Variants in CEP83 observed in about 807,000 individuals in gnomAD.
CEP83 encodes the protein centrosomal protein of 83 kDa.
A neutral mutation model predicts 101.9 loss-of-function variants in CEP83; 70 were observed. The observed-to-expected ratio is 0.69, with a 90% CI of 0.57 to 0.84. CEP83 has a LOEUF of 0.84. Ranked by LOEUF, CEP83 falls within the 40% of genes least tolerant of loss-of-function variation. The pLI, the probability that CEP83 is intolerant of heterozygous loss-of-function variation, is 0.00. For synonymous variants in CEP83, 264 were observed against 267.9 expected, an observed-to-expected ratio of 0.99 and a Z score of 0.14; for missense variants, 715 against 787.2, an observed-to-expected ratio of 0.91 and a Z score of 1.10.
chr12:94,412,091 G>A (rs980900438), intron 3 of CEP83, among the ~76,000 whole-genome samples: 14 of 152,018 alleles, frequency 9.2e-5, no homozygotes, highest in African/African-American at 3.4e-4. Context: ...AATCTTATAC[G>A]TCCTGCTACT....
the CEP83 span, among the ~76,000 whole-genome samples, chr12:94,293,830 A>G: frequency 4.1e-3 from 623 of 152,228 alleles, 1 homozygote; most frequent in Non-Finnish European, 7.3e-3. Context: ...TATGTTGCCC[A>G]GGCTGGTCTC....
chr12:94,322,535 C>T (rs2058792160), intron 14 of CEP83, among the ~76,000 whole-genome samples: 1 of 152,228 alleles, frequency 6.6e-6, no homozygotes, highest in African/African-American at 2.4e-5. Context: ...TGCAAAACAG[C>T]AAAGCTGGCA....
intron 14 of CEP83, among the ~76,000 whole-genome samples, chr12:94,313,750 T>C (rs1468385684): frequency 6.6e-6 from 1 of 152,012 alleles, no homozygotes; most frequent in Admixed American, 6.6e-5. Flanking sequence ...GGCAGGAGAA[T>C]CACTTGAACC....
chr12:94,380,577 A>T (rs1386198464), intron 6 of CEP83, among the ~76,000 whole-genome samples: 1 of 152,126 alleles, frequency 6.6e-6, no homozygotes, highest in Non-Finnish European at 1.5e-5. Context: ...GGGCTAGCTG[A>T]TCTTTAAGAT....
chr12:94,418,358 C>T (rs1593889411), intron 2 of CEP83, among the ~76,000 whole-genome samples: 1 of 151,824 alleles, frequency 6.6e-6, no homozygotes, highest in East Asian at 1.9e-4. Flanking sequence ...GAGACTCTGT[C>T]TTTAAAAAGA....
intron 1 of CEP83, among the ~76,000 whole-genome samples, chr12:94,453,907 G>A (rs2067441267): frequency 6.6e-6 from 1 of 152,042 alleles, no homozygotes; most frequent in Non-Finnish European, 1.5e-5. Flanking sequence ...GACCATCCTG[G>A]CTAACATAGT....
chr12:94,296,299 TAC>T, the CEP83 span, among the ~76,000 whole-genome samples: 16 of 152,144 alleles, frequency 1.1e-4, no homozygotes, highest in Non-Finnish European at 2.4e-4. Context: ...TAGCTGGGAT[TAC>T]AGGAGTGTGC....
rs567889514 is a variant in CEP83 at position 94,344,935 on chromosome 12, T to A, written c.1344-9271A>T. Among the ~76,000 whole-genome samples, 154 of 152,148 alleles carry A rather than the reference T, an allele frequency of 1.0e-3. 1 individual carries two copies. Among genetic ancestry groups the A allele is most frequent in the Admixed American group, 1.2e-3 (18 of 15,274 alleles). On this transcript the variant is annotated intron_variant, in intron 11 of 16. Transcript: ENST00000397809. Reference sequence around the variant, plus strand: ...AACCAAACTTACTATAAAGCTACAGTAATCAAAATGGTATGATACTGGTGT... The same window carrying A: ...AACCAAACTTACTATAAAGCTACAGAAATCAAAATGGTATGATACTGGTGT...
chr12:94,368,433 T>C (rs2061129307), intron 9 of CEP83: 2 of 422,662 alleles, frequency 4.7e-6, no homozygotes, highest in South Asian at 9.4e-5. Context: ...CATACACATA[T>C]AAAAACTTTA....
At chr12:94,338,158 G>A (rs114469302) in intron 11 of CEP83, among the ~76,000 whole-genome samples, 101 of 152,274 alleles carry the variant, frequency 6.6e-4, no homozygotes, top group African/African-American at 2.4e-3. Context: ...TGCTAAAGTA[G>A]AATAAAGATA....
At chr12:94,422,041 C>T (rs552656911) in intron 2 of CEP83, among the ~76,000 whole-genome samples, 46 of 152,300 alleles carry the variant, frequency 3.0e-4, no homozygotes, top group Non-Finnish European at 5.0e-4. Flanking sequence ...CTATATAGGC[C>T]CAAGCAAGCA....
chr12:94,303,722 G>GTGAT (rs765309104), downstream of CEP83: 2 of 1,210,292 alleles, frequency 1.7e-6, no homozygotes, highest in Non-Finnish European at 1.1e-6. Context: ...TACTCTTTTG[G>GTGAT]TGATGGTTGC....
intron 1 of CEP83, among the ~76,000 whole-genome samples, chr12:94,455,343 T>C (rs1350383165): frequency 6.6e-6 from 1 of 152,208 alleles, no homozygotes; most frequent in Non-Finnish European, 1.5e-5. Flanking sequence ...GGAAAATCCC[T>C]ATAGTCCAAT....
intron 14 of CEP83, among the ~76,000 whole-genome samples, chr12:94,329,668 C>CA (rs2059123454): frequency 6.6e-6 from 1 of 152,204 alleles, no homozygotes; most frequent in South Asian, 2.1e-4. Flanking sequence ...AACACGGCTT[C>CA]AGATGTTTCT....
chr12:94,383,501 A>G (rs898867960), intron 6 of CEP83, among the ~76,000 whole-genome samples: 14 of 152,082 alleles, frequency 9.2e-5, no homozygotes, highest in Non-Finnish European at 1.9e-4. Flanking sequence ...TTACATCCCA[A>G]TAAACCCATT....
chr12:94,457,394 A>G (rs993423954), intron 1 of CEP83, among the ~76,000 whole-genome samples: 1 of 152,220 alleles, frequency 6.6e-6, no homozygotes, highest in Non-Finnish European at 1.5e-5. Flanking sequence ...ACTTTTAGGC[A>G]AAGAGACAGT....
At chr12:94,324,912 G>A (rs1037413516) in intron 14 of CEP83, among the ~76,000 whole-genome samples, 2 of 152,110 alleles carry the variant, frequency 1.3e-5, no homozygotes, top group Admixed American at 1.3e-4. Context: ...GAGAATAAAA[G>A]CTGAAGTCAT....
At chr12:94,407,140 C>T (rs999166620) in intron 4 of CEP83, among the ~76,000 whole-genome samples, 3 of 151,916 alleles carry the variant, frequency 2.0e-5, no homozygotes, top group African/African-American at 7.3e-5. Flanking sequence ...CAAGCTATGG[C>T]AGAACTTTAA....
chr12:94,322,617 G>C (rs938232518), intron 14 of CEP83, among the ~76,000 whole-genome samples: 1 of 152,204 alleles, frequency 6.6e-6, no homozygotes, highest in Non-Finnish European at 1.5e-5. Context: ...ACACTGGTTG[G>C]GGTATGGTTG....
Sources: allele counts gnomAD v4.1 joint callset (sites outside exome capture counted in the v4.1 genomes callset), GRCh38; gene constraint gnomAD v4.1.1; transcripts MANE v1.5; gene names NCBI Gene and HGNC (gene_info 2026-07-23, HGNC 2026-07-21).